WDR17: variants seen among roughly 807,000 people sequenced by gnomAD.
The protein encoded by WDR17 is WD repeat-containing protein 17.
Under a neutral mutation model 161.7 loss-of-function variants are expected in WDR17, and 143 were observed. That is an observed-to-expected ratio of 0.88 (90% confidence interval 0.77 to 1.02). WDR17 has a LOEUF of 1.02. Among genes scored for constraint, WDR17 ranks in the 50% least tolerant of loss-of-function variants. WDR17 has a pLI of 0.00. For synonymous variants in WDR17, 517 were observed against 515.6 expected, an observed-to-expected ratio of 1.00 and a Z score of -0.04; for missense variants, 1,469 against 1,520.9, an observed-to-expected ratio of 0.97 and a Z score of 0.57.
chr4:176,162,051 G>A (rs1160467517), intron 20 of WDR17, 24 bp from the exon 21 acceptor site: 2 of 1,572,508 alleles, frequency 1.3e-6, no homozygotes, highest in African/African-American at 2.7e-5. Flanking sequence ...TGTTTATATA[G>A]AATACACATT....
At chr4:176,087,962 G>A (rs1735634402) in intron 1 of WDR17, among the ~76,000 whole-genome samples, 1 of 151,898 alleles carries the variant, frequency 6.6e-6, no homozygotes, top group Non-Finnish European at 1.5e-5. Flanking sequence ...TTGTGCCTCG[G>A]CCTTCTGAGT....
chr4:176,093,883 T>G (rs958471230), intron 1 of WDR17, among the ~76,000 whole-genome samples: 5 of 152,174 alleles, frequency 3.3e-5, no homozygotes, highest in South Asian at 4.1e-4. Flanking sequence ...ACATTTAATC[T>G]GAGATTACAT....
chr4:176,165,696 T>C (rs1482779727), intron 22 of WDR17, among the ~76,000 whole-genome samples: 1 of 152,214 alleles, frequency 6.6e-6, no homozygotes, highest in African/African-American at 2.4e-5. Context: ...TGGGTCATCA[T>C]AAAGGTCTTT....
At chr4:176,166,716 G>A (rs982009282) in intron 22 of WDR17, among the ~76,000 whole-genome samples, 9 of 151,962 alleles carry the variant, frequency 5.9e-5, no homozygotes, top group African/African-American at 1.2e-4. Flanking sequence ...TTTCATGGAC[G>A]TTATTTAAAA....
At chr4:176,111,937 G>A (rs989229876) in intron 2 of WDR17, among the ~76,000 whole-genome samples, 1 of 151,988 alleles carries the variant, frequency 6.6e-6, no homozygotes, top group Admixed American at 6.5e-5. Flanking sequence ...TTTTTCAGTT[G>A]AAGAATTTGG....
chr4:176,078,744 ATTAAT>A (rs1293924658), intron 1 of WDR17, among the ~76,000 whole-genome samples: 2 of 151,864 alleles, frequency 1.3e-5, no homozygotes, highest in African/African-American at 2.4e-5. Context: ...TCATTTTTTA[ATTAAT>A]TTATTTTGTT....
rs533862393 is a variant in WDR17, at chr4:176,180,250, C to T, written c.*671C>T. On this transcript the variant is annotated 3_prime_UTR_variant, in exon 29 of 29. Transcript: ENST00000508596. ...GTTATATAGGCTTGAAAAAAATTGG[C>T]GGGTAAAAATCACAAAATGCAGTCG... 20 of 151,524 alleles carry T rather than the reference C, an allele frequency of 1.3e-4. 2 individuals are homozygous for T. Among genetic ancestry groups the T allele is most frequent in the South Asian group, 8.4e-4 (4 of 4,788 alleles). The allele number at this position is 151,524 out of a possible 1,614,324, so 9.4% of individuals were successfully genotyped here.
intron 13 of WDR17, among the ~76,000 whole-genome samples, chr4:176,148,966 A>G (rs1277484576): frequency 1.3e-5 from 2 of 152,226 alleles, no homozygotes; most frequent in Non-Finnish European, 2.9e-5. Context: ...AGTAACCTCA[A>G]TCTAGATCAG....
intron 26 of WDR17, 26 bp downstream of exon 26, chr4:176,174,744 T>C (rs762184869): frequency 2.1e-5 from 31 of 1,510,548 alleles, no homozygotes; most frequent in Middle Eastern, 1.7e-4. Flanking sequence ...TCCTCCATCA[T>C]GACATTAGAG....
At position 176,151,820 on chromosome 4, in the gene WDR17, T is replaced by C. The variant is rs1412144607; in HGVS notation, c.2313T>C (p.Ala771=). Residue 771 remains alanine (A), a synonymous_variant, in exon 17 of 29, where the codon GCT becomes GCC. Coordinates refer to ENST00000508596, the MANE Select transcript of WDR17 (RefSeq NM_181265.4). The stretch of plus-strand genomic sequence containing the variant: ...TTTCTTTTTAAAACCAGTCTGAAGC[T>C]CAAGAACTAACAACAGTCAAGATGT... ...KHLIKFRTSE[A]QELTTVKMSK... 9 of 1,577,550 alleles carry C rather than the reference T, an allele frequency of 5.7e-6. No individual in the cohort carries two copies. Among genetic ancestry groups the C allele is most frequent in the Non-Finnish European group, 5.1e-6 (6 of 1,167,370 alleles).
chr4:176,082,207 CATT>C (rs963721399), intron 1 of WDR17, among the ~76,000 whole-genome samples: 2 of 151,992 alleles, frequency 1.3e-5, no homozygotes, highest in African/African-American at 4.8e-5. Flanking sequence ...TAATATGTCA[CATT>C]AATGAGATAG....
intron 1 of WDR17, among the ~76,000 whole-genome samples, chr4:176,103,284 C>G (rs1738114515): frequency 6.6e-6 from 1 of 152,030 alleles, no homozygotes; most frequent in Non-Finnish European, 1.5e-5. Context: ...TTGACACAGA[C>G]AGCCCACAAC....
At chr4:176,132,726 T>C (rs1258310651) in intron 7 of WDR17, among the ~76,000 whole-genome samples, 2 of 152,020 alleles carry the variant, frequency 1.3e-5, no homozygotes, top group Non-Finnish European at 2.9e-5. Context: ...ACTTTAACTT[T>C]TCTTTTTATA....
Position 176,177,472 on chromosome 4 carries a change from T to C in WDR17, c.3550T>C (p.Ser1184Pro), listed in dbSNP as rs199648327. 1 of 1,537,990 alleles carries C rather than the reference T, an allele frequency of 6.5e-7. No homozygotes were observed. The highest frequency in any genetic ancestry group is 2.4e-5 in the Admixed American group (1 of 42,326). ...WRACTQSTNR[S>P]LEDSPYTPPS... ...TTTTGATATCTGTTGAAAATATAGATCATTAGAAGACTCTCCGTATACACC... is the reference window on the plus strand; with the variant it reads ...TTTTGATATCTGTTGAAAATATAGACCATTAGAAGACTCTCCGTATACACC... The change falls in exon 28 of 29, where the codon TCA becomes CCA. Residue 1184 changes from serine to proline, a missense_variant and splice_region_variant. By Grantham distance (74) the Ser-to-Pro change is moderately conservative. Transcript: ENST00000508596.
chr4:176,163,022 T>C, intron 21 of WDR17, 132 bp from the exon 22 acceptor site: 1 of 1,160,810 alleles, frequency 8.6e-7, no homozygotes, highest in Non-Finnish European at 1.2e-6. Flanking sequence ...ATAGGAATAT[T>C]ACAGTCAATA....
intron 20 of WDR17, 55 bp downstream of exon 20, chr4:176,161,057 G>A: frequency 2.1e-6 from 3 of 1,460,374 alleles, no homozygotes; most frequent in Non-Finnish European, 2.8e-6. Context: ...TTCCCTTTAG[G>A]AATTTTTGAA....
At chr4:176,123,358 G>A (rs563003606) in intron 4 of WDR17, among the ~76,000 whole-genome samples, 22 of 152,062 alleles carry the variant, frequency 1.4e-4, no homozygotes, top group Non-Finnish European at 2.8e-4. Flanking sequence ...CTCGCTGAGC[G>A]TCCTCCAATT....
intron 9 of WDR17, among the ~76,000 whole-genome samples, chr4:176,139,037 A>G (rs1271264131): frequency 4.0e-5 from 6 of 151,822 alleles, no homozygotes; most frequent in African/African-American, 1.2e-4. Context: ...CCATTTTTAA[A>G]TCTGCCTGCA....
At chr4:176,118,800 CA>C (rs539690350) in intron 3 of WDR17, among the ~76,000 whole-genome samples, 2,438 of 146,074 alleles carry the variant, frequency 0.017, 64 homozygotes, top group African/African-American at 0.055. Flanking sequence ...ACTAAAAATA[CA>C]AAAAAAAAAA....
Sources: allele counts gnomAD v4.1 joint callset (sites outside exome capture counted in the v4.1 genomes callset), GRCh38; gene constraint gnomAD v4.1.1; transcripts MANE v1.5; gene names NCBI Gene and HGNC (gene_info 2026-07-23, HGNC 2026-07-21).